PXDNL: variants seen among roughly 807,000 people sequenced by gnomAD.
The protein encoded by PXDNL is peroxidasin like, also known as probable oxidoreductase PXDNL.
PXDNL carries 145 observed loss-of-function variants against 150.8 expected under a neutral mutation model. That is an observed-to-expected ratio of 0.96 (90% CI 0.84 to 1.10). The LOEUF (loss-of-function observed/expected upper bound fraction) is 1.10, where lower values mean the gene tolerates loss of function less well. PXDNL is among the 50% of genes least tolerant of loss of function. The probability of loss-of-function intolerance (pLI) is 0.00; values close to 1 mark genes in which losing one functional copy is unlikely to be tolerated. For missense variants in PXDNL, 2,087 were observed against 1,873.9 expected (o/e 1.11, Z -2.10); for synonymous variants, 757 against 725.7 (o/e 1.04, Z -0.69).
chr8:51,683,164 C>CATATATATATATATATATATATATAT (rs71237228), intron 1 of PXDNL, among the ~76,000 whole-genome samples: 2 of 44,462 alleles, frequency 4.5e-5, no homozygotes, highest in African/African-American at 7.5e-5. Context: ...AATTGTCTTT[C>CATATATATATATATATATATATATAT]ATATATATAT....
intron 19 of PXDNL, among the ~76,000 whole-genome samples, chr8:51,349,954 T>C (rs952543037): frequency 2.0e-5 from 3 of 152,122 alleles, no homozygotes; most frequent in African/African-American, 7.2e-5. Context: ...AAAGCAAACT[T>C]ACAAAACTGA....
intron 5 of PXDNL, 43 bp from the exon 6 acceptor site, chr8:51,483,757 T>C (rs1418631487): frequency 8.9e-7 from 1 of 1,126,614 alleles, no homozygotes; most frequent in South Asian, 1.4e-5. Flanking sequence ...ACAATAATAA[T>C]GAATTTGACA....
intron 1 of PXDNL, among the ~76,000 whole-genome samples, chr8:51,715,075 TA>T (rs1328569295): frequency 1.3e-5 from 2 of 152,200 alleles, no homozygotes; most frequent in Non-Finnish European, 2.9e-5. Flanking sequence ...TGTTGCTTCT[TA>T]AAAGATAAAT....
At chr8:51,453,868 T>C in intron 9 of PXDNL, 83 bp from the exon 10 acceptor site, 1 of 1,445,912 alleles carries the variant, frequency 6.9e-7, no homozygotes, top group East Asian at 2.3e-5. Context: ...GTTTTAAGAT[T>C]ATTGTCATTT....
intron 2 of PXDNL, among the ~76,000 whole-genome samples, chr8:51,597,984 G>A (rs1813612478): frequency 6.6e-6 from 1 of 152,116 alleles, no homozygotes; most frequent in Non-Finnish European, 1.5e-5. Flanking sequence ...AAAGTACTGG[G>A]ATTACAGGCA....
At chr8:51,493,132 A>C (rs1458025435) in intron 5 of PXDNL, among the ~76,000 whole-genome samples, 1 of 152,276 alleles carries the variant, frequency 6.6e-6, no homozygotes, top group East Asian at 1.9e-4. Context: ...ACCAATATCC[A>C]CTGTTCTGCA....
At chr8:51,682,545 T>C (rs930489859) in intron 1 of PXDNL, among the ~76,000 whole-genome samples, 1 of 152,210 alleles carries the variant, frequency 6.6e-6, no homozygotes, top group Non-Finnish European at 1.5e-5. Context: ...ATCTGTTTGC[T>C]GCTGAATGAC....
chr8:51,478,011 A>C (rs2130135275), intron 6 of PXDNL, among the ~76,000 whole-genome samples: 1 of 152,342 alleles, frequency 6.6e-6, no homozygotes, highest in South Asian at 2.1e-4. Context: ...GTATACTTTT[A>C]GTATAGTATA....
intron 17 of PXDNL, among the ~76,000 whole-genome samples, chr8:51,384,235 C>T (rs1488935659): frequency 2.0e-5 from 3 of 152,116 alleles, no homozygotes. Flanking sequence ...ATGACTGCAT[C>T]AATTTAAGGG....
At chr8:51,748,984 A>C (rs557094374) in intron 1 of PXDNL, among the ~76,000 whole-genome samples, 1 of 152,234 alleles carries the variant, frequency 6.6e-6, no homozygotes, top group Admixed American at 6.5e-5. Flanking sequence ...GTTCATTATG[A>C]ATTTGAAGGC....
chr8:51,704,302 A>G (rs903938933), intron 1 of PXDNL, among the ~76,000 whole-genome samples: 1 of 152,102 alleles, frequency 6.6e-6, no homozygotes, highest in Non-Finnish European at 1.5e-5. Context: ...ATTTATGTGG[A>G]TGTGTGTAGT....
chr8:51,763,732 T>G (rs758041867), intron 1 of PXDNL, among the ~76,000 whole-genome samples: 11 of 152,224 alleles, frequency 7.2e-5, no homozygotes, highest in Non-Finnish European at 1.3e-4. Context: ...AATTTTCTAA[T>G]TGTTCACCAC....
intron 1 of PXDNL, among the ~76,000 whole-genome samples, chr8:51,664,853 A>G (rs1282678816): frequency 6.6e-6 from 1 of 152,088 alleles, no homozygotes; most frequent in Admixed American, 6.6e-5. Flanking sequence ...TCCCAGGCAC[A>G]CTGAACCTGC....
chr8:51,592,837 C>G (rs556786691), intron 2 of PXDNL, 139 bp from the exon 3 acceptor site: 1 of 513,416 alleles, frequency 1.9e-6, no homozygotes, highest in African/African-American at 2.0e-5. Flanking sequence ...GAAATTTATA[C>G]TTTAATTCCC....
chr8:51,353,072 C>G (rs1243009722), intron 19 of PXDNL, among the ~76,000 whole-genome samples: 1 of 151,954 alleles, frequency 6.6e-6, no homozygotes, highest in Non-Finnish European at 1.5e-5. Context: ...TGGCTACAAT[C>G]TTCTTCTAAT....
chr8:51,617,136 GA>G, intron 2 of PXDNL, among the ~76,000 whole-genome samples: 1 of 152,196 alleles, frequency 6.6e-6, no homozygotes, highest in Middle Eastern at 3.4e-3. Context: ...AGGAAGAAAT[GA>G]AAAACACAAT....
chr8:51,594,347 A>G (rs1410417600), intron 2 of PXDNL, among the ~76,000 whole-genome samples: 1 of 152,198 alleles, frequency 6.6e-6, no homozygotes, highest in African/African-American at 2.4e-5. Flanking sequence ...GGTGGTGCCT[A>G]GGAGAGAGAA....
intron 12 of PXDNL, among the ~76,000 whole-genome samples, chr8:51,442,750 T>C (rs991627498): frequency 6.6e-6 from 1 of 152,140 alleles, no homozygotes; most frequent in Non-Finnish European, 1.5e-5. Flanking sequence ...ACTGGATTCT[T>C]TGATATCTAT....
chr8:51,429,687 C>CTTTTTTT (rs5891411), intron 12 of PXDNL, among the ~76,000 whole-genome samples: 5 of 125,368 alleles, frequency 4.0e-5, no homozygotes, highest in Non-Finnish European at 8.4e-5. Flanking sequence ...TTTTTCCTTT[C>CTTTTTTT]TTTTTTTTTT....
Sources: allele counts gnomAD v4.1 joint callset (sites outside exome capture counted in the v4.1 genomes callset), GRCh38; gene constraint gnomAD v4.1.1; transcripts MANE v1.5; gene names NCBI Gene and HGNC (gene_info 2026-07-23, HGNC 2026-07-21).